The following EPRS1 variants were observed in gnomAD, a reference collection of about 807,000 sequenced individuals.
The protein encoded by EPRS1 is glutamyl-prolyl-tRNA synthetase 1.
Under a neutral mutation model 188.3 loss-of-function variants are expected in EPRS1, and 107 were observed. That is an observed-to-expected ratio of 0.57 (90% CI 0.49 to 0.67). The LOEUF (loss-of-function observed/expected upper bound fraction) is 0.67, where lower values mean the gene tolerates loss of function less well. Ranked by LOEUF, EPRS1 falls within the 30% of genes least tolerant of loss-of-function variation. The pLI, the probability that EPRS1 is intolerant of heterozygous loss-of-function variation, is 0.00. For missense variants in EPRS1, 1,577 were observed against 1,802.2 expected (o/e 0.88, Z 2.26); for synonymous variants, 596 against 593.1 (o/e 1.00, Z -0.07).
At chr1:220,018,255 T>G in intron 12 of EPRS1, 194 bp downstream of exon 12, 1 of 991,484 alleles carries the variant, frequency 1.0e-6, no homozygotes, top group African/African-American at 1.6e-5. Context: ...TGTTACTTAT[T>G]TGGAATAGTT....
Position 219,992,061 on chromosome 1 carries a change from C to T in EPRS1, c.2542-3238G>A, listed in dbSNP as rs569495245. Reference sequence around the variant, plus strand: ...ATAGGCTTTTTTCTTGTTTCCTTCCCTGCAACATTTATCTTTTGGCCTGAG... The same window carrying T: ...ATAGGCTTTTTTCTTGTTTCCTTCCTTGCAACATTTATCTTTTGGCCTGAG... On this transcript the variant is annotated intron_variant, in intron 18 of 31. Coordinates refer to ENST00000366923, the MANE Select transcript of EPRS1 (RefSeq NM_004446.3). Among the ~76,000 whole-genome samples, 6 of 152,270 alleles carry T rather than the reference C, an allele frequency of 3.9e-5. No individual in the cohort carries two copies. The South Asian group carries it at 1.2e-3, about 32-fold the overall frequency.
intron 1 of EPRS1, among the ~76,000 whole-genome samples, chr1:220,044,264 TAAATC>T (rs1662357009): frequency 6.6e-6 from 1 of 152,208 alleles, no homozygotes; most frequent in Admixed American, 6.6e-5. Context: ...TGGGAATAAT[TAAATC>T]AAAAATTAAA....
chr1:219,978,473 T>C (rs1386591829), intron 28 of EPRS1, 73 bp downstream of exon 28: 1 of 1,228,572 alleles, frequency 8.1e-7, no homozygotes, highest in African/African-American at 1.5e-5. Context: ...CCTCGTTTTA[T>C]AAAAACATGC....
At chr1:220,037,419 C>T (rs970874300) in intron 2 of EPRS1, among the ~76,000 whole-genome samples, 8 of 150,162 alleles carry the variant, frequency 5.3e-5, no homozygotes, top group South Asian at 2.1e-4. Context: ...GCAGGAGAAT[C>T]GCTTAAACCT....
In EPRS1 at chr1:219,980,108, A is replaced by G. The variant is rs1314346190; in HGVS notation, c.3688T>C (p.Ser1230Pro). ...DYTTTIEAFI[S>P]ASGRAIQGGT... ...ACCTGGATAGCTCTTCCACTAGCAG[A>G]TATAAATGCTTCTATTGTAGTTGTA... Residue 1230 changes from serine (S) to proline (P), a missense_variant, in exon 26 of 32, where the codon TCT becomes CCT. Ser to Pro is a moderately conservative substitution (Grantham distance 74). This residue lies in a region of EPRS1 where 1,278 missense variants were observed against 1,457.4 expected (regional missense o/e 0.88). Transcript: ENST00000366923. The G allele has an allele frequency of 1.2e-6, 2 of 1,613,750 alleles. No individual in the cohort carries two copies. Among genetic ancestry groups the G allele is most frequent in the African/African-American group, 1.3e-5 (1 of 74,930 alleles).
intron 16 of EPRS1, 152 bp downstream of exon 16, chr1:220,005,096 C>T: frequency 7.5e-6 from 3 of 400,210 alleles, no homozygotes; most frequent in African/African-American, 4.1e-5. Flanking sequence ...AAATAAATTA[C>T]TTGTCTAAAA....
In EPRS1 at chr1:219,987,286, T is replaced by C. The variant is rs779119007; in HGVS notation, c.2894A>G (p.Lys965Arg). The part of the protein sequence containing the change: ...ATGAEDKDKK[K>R]KEKENKSEKQ... ...TTCAGATTTATTTTCTTTTTCTTTC[T>C]TCTTCTTATCTTTGTCCTCAGCTCC... The change falls in exon 20 of 32, where the codon AAG (lysine) becomes AGG (arginine). Residue 965 changes from lysine to arginine, a missense_variant. By Grantham distance (26) the Lys-to-Arg change is conservative (BLOSUM62 2). Transcript: ENST00000366923. 4 of 1,614,088 alleles carry C rather than the reference T, an allele frequency of 2.5e-6. No homozygotes were observed. Among genetic ancestry groups the C allele is most frequent in the Non-Finnish European group, 3.4e-6 (4 of 1,179,996 alleles).
At chr1:219,988,552 T>A (rs1481777217) in intron 19 of EPRS1, 38 bp downstream of exon 19, 5 of 1,433,336 alleles carry the variant, frequency 3.5e-6, no homozygotes, top group East Asian at 2.3e-5. Flanking sequence ...CCCTGAAACA[T>A]AAAAAACAAA....
At chr1:220,020,863 T>C (rs1180504064) in intron 9 of EPRS1, among the ~76,000 whole-genome samples, 2 of 87,184 alleles carry the variant, frequency 2.3e-5, no homozygotes, top group African/African-American at 3.7e-5. Flanking sequence ...TATATATATA[T>C]ATATATATTA....
rs753775075 is a variant in EPRS1 at position 220,022,325 on chromosome 1, A to G, written c.1115+22T>C. Reference sequence around the variant, plus strand: ...ACAAAAGCACAGATGGCTACCTAGCATATTGAAGGAGATATACTTACTTGT... The same window carrying G: ...ACAAAAGCACAGATGGCTACCTAGCGTATTGAAGGAGATATACTTACTTGT... On this transcript the variant is annotated intron_variant, in intron 9 of 31. Transcript: ENST00000366923. 4 of 1,596,210 alleles carry G rather than the reference A, an allele frequency of 2.5e-6. No individual in the cohort carries two copies. In the South Asian group the frequency reaches 4.5e-5, roughly 18 times the overall value.
rs371023783 is a variant in EPRS1 at position 219,979,725 on chromosome 1, C to CT, written c.3712-111dup. On this transcript the variant is annotated intron_variant, in intron 26 of 31. Coordinates refer to ENST00000366923, the MANE Select transcript of EPRS1 (RefSeq NM_004446.3). ...AAATGGCACTACACTTTTTTTCTCC[C>CT]TTTTTTTACATTAAATAAGGTTTTT... is the stretch of plus-strand genomic sequence containing the variant. The CT allele has an allele frequency of 4.2e-3, 2,917 of 702,232 alleles. 26 individuals are homozygous for CT. The highest frequency in any genetic ancestry group is 0.015 in the Middle Eastern group (37 of 2,482). The allele number at this position is 702,232 out of a possible 1,614,324, so 43.5% of individuals were successfully genotyped here.
chr1:219,980,675 A>G lies in EPRS1; in HGVS notation c.3555+81T>C, dbSNP rs1038923525. ...TTTGATTTTGCTTTTAACAGGTGTT[A>G]CATACATTTTAAATAACAAAATTGC... On this transcript the variant is annotated intron_variant, in intron 25 of 31. Transcript: ENST00000366923. 4.4e-6 allele frequency: 4 copies of G among 910,204 alleles called. No individual in the cohort carries two copies. The African/African-American group carries it at 6.6e-5, about 15-fold the overall frequency. The allele number at this position is 910,204 out of a possible 1,614,324, so 56.4% of individuals were successfully genotyped here. A position where few individuals can be genotyped will look rare whatever the true frequency, so the allele number is the denominator to read the frequency against.
chr1:220,028,005 A>C (rs1344188513), intron 6 of EPRS1, among the ~76,000 whole-genome samples: 1 of 152,132 alleles, frequency 6.6e-6, no homozygotes, highest in Non-Finnish European at 1.5e-5. Flanking sequence ...AATGTACCAT[A>C]ATAATGTAAA....
In EPRS1 at chr1:220,018,986, G is replaced by GT. The variant is rs1558057113; in HGVS notation, c.1434+8dup. ...AAACAGACAAGCTGGAAAAGAAACT[G>GT]TAACGCACCTGAGCAGCAATAAACT... On this transcript the variant is annotated intron_variant, in intron 11 of 31. Coordinates refer to ENST00000366923, the MANE Select transcript of EPRS1 (RefSeq NM_004446.3). 7 of 1,592,424 alleles carry GT rather than the reference G, an allele frequency of 4.4e-6. No individual in the cohort carries two copies. Among genetic ancestry groups the GT allele is most frequent in the Non-Finnish European group, 6.0e-6 (7 of 1,161,004 alleles).
chr1:219,988,909 G>GCCGGGCGCGGTGGCT lies in EPRS1; in HGVS notation c.2542-87_2542-86insAGCCACCGCGCCCGG. 4 of 764,668 alleles carry GCCGGGCGCGGTGGCT rather than the reference G, an allele frequency of 5.2e-6. No homozygotes were observed. In the African/African-American group the frequency reaches 7.0e-5, roughly 13 times the overall value. The allele number at this position is 764,668 out of a possible 1,614,324, so 47.4% of individuals were successfully genotyped here. ...GCCATTTAAAAATCTTTAATTATCA[G>GCCGGGCGCGGTGGCT]CAAATCATTCCCATAAGTTAATCAT... is the stretch of plus-strand genomic sequence containing the variant. On this transcript the variant is annotated intron_variant, in intron 18 of 31. Transcript: ENST00000366923.
At chr1:219,980,720 T>C (rs760496708) in intron 25 of EPRS1, 36 bp downstream of exon 25, 2 of 1,437,648 alleles carry the variant, frequency 1.4e-6, no homozygotes, top group Non-Finnish European at 1.9e-6. Flanking sequence ...ACAAAAATAA[T>C]GGAACATAGT....
chr1:219,982,974 T>C (rs752549451), intron 22 of EPRS1, 130 bp from the exon 23 acceptor site: 2 of 835,082 alleles, frequency 2.4e-6, no homozygotes, highest in Non-Finnish European at 3.9e-6. Flanking sequence ...TAGTCGCTGC[T>C]GTTCACTGTG....
At chr1:220,028,846 T>C (rs1371863013) in intron 6 of EPRS1, among the ~76,000 whole-genome samples, 1 of 151,998 alleles carries the variant, frequency 6.6e-6, no homozygotes, top group African/African-American at 2.4e-5. Flanking sequence ...AAAATAGTAA[T>C]TAAAGAAAAA....
At position 219,988,751 on chromosome 1, in the gene EPRS1, A is replaced by G. The variant is rs755844736; in HGVS notation, c.2614T>C (p.Tyr872His). ...AQYKEKTGKE[Y>H]IPGQPPLSQS... ...GATAATGGGGGCTGACCAGGTATGT[A>G]CTCCTTCCCAGTTTTTTCTTTATAC... The change falls in exon 19 of 32, where the codon TAC (tyrosine) becomes CAC (histidine). Residue 872 changes from tyrosine to histidine, a missense_variant. Physicochemically the swap from Tyr to His is moderately conservative, Grantham distance 83. This residue lies in a region of EPRS1 where 1,278 missense variants were observed against 1,457.4 expected (regional missense o/e 0.88). Transcript: ENST00000366923. 9.3e-6 allele frequency: 15 copies of G among 1,613,572 alleles called. No individual in the cohort carries two copies. Among genetic ancestry groups the G allele is most frequent in the Admixed American group, 1.7e-5 (1 of 59,960 alleles).
Sources: allele counts gnomAD v4.1 joint callset (sites outside exome capture counted in the v4.1 genomes callset), GRCh38; gene constraint gnomAD v4.1.1; regional missense constraint gnomAD v4.1.1; transcripts MANE v1.5; gene names NCBI Gene and HGNC (gene_info 2026-07-23, HGNC 2026-07-21).